LAMB4: variants seen among roughly 807,000 people sequenced by gnomAD.
The protein encoded by LAMB4 is laminin subunit beta 4.
In LAMB4, 196 loss-of-function variants were observed where a neutral mutation model predicts 199.2. That is an observed-to-expected ratio of 0.98 (90% confidence interval 0.88 to 1.11). LAMB4 has a LOEUF of 1.11. Ranked by LOEUF, LAMB4 falls within the 50% of genes least tolerant of loss-of-function variation. The pLI, the probability that LAMB4 is intolerant of heterozygous loss-of-function variation, is 0.00. For missense variants in LAMB4, 2,080 were observed against 2,171.2 expected, an observed-to-expected ratio of 0.96 and a Z score of 0.83; for synonymous variants, 744 against 770.6, an observed-to-expected ratio of 0.97 and a Z score of 0.57.
At chr7:108,122,052 G>A (rs1429716789) in intron 2 of LAMB4, among the ~76,000 whole-genome samples, 1 of 152,196 alleles carries the variant, frequency 6.6e-6, no homozygotes, top group African/African-American at 2.4e-5. Context: ...TGATTGCAGT[G>A]AGGTCTTTTC....
chr7:108,049,032 A>C (rs1050434405), intron 27 of LAMB4, among the ~76,000 whole-genome samples: 1 of 152,140 alleles, frequency 6.6e-6, no homozygotes, highest in Non-Finnish European at 1.5e-5. Context: ...TTTTTCTTGT[A>C]ATGAGGCAAG....
chr7:108,073,293 A>C (rs1414503016), intron 17 of LAMB4, among the ~76,000 whole-genome samples: 1 of 152,266 alleles, frequency 6.6e-6, no homozygotes, highest in African/African-American at 2.4e-5. Context: ...GGCGTAAGCC[A>C]CCGCGCCCGG....
chr7:108,094,214 G>C (rs67869926), intron 12 of LAMB4, among the ~76,000 whole-genome samples: 9,935 of 152,294 alleles, frequency 0.065, 511 homozygotes, highest in East Asian at 0.14. Flanking sequence ...GTCAGCCTGA[G>C]CCTAAGCTTT....
chr7:108,069,068 G>T (rs1281396083), intron 18 of LAMB4, among the ~76,000 whole-genome samples: 1 of 152,120 alleles, frequency 6.6e-6, no homozygotes, highest in Non-Finnish European at 1.5e-5. Context: ...CTGTCCTAAT[G>T]GAAAAAGCAT....
rs2036775965 is a variant in LAMB4, at chr7:108,078,145, T to C, written c.2003+56A>G. ...TTAGTTCCCAGAAACAAATTACTGATAAGTGAACAAAATTCTAAGAAGCTT... is the reference window on the plus strand; with the variant it reads ...TTAGTTCCCAGAAACAAATTACTGACAAGTGAACAAAATTCTAAGAAGCTT... On this transcript the variant is annotated intron_variant, in intron 16 of 33. Transcript: ENST00000388781. 7 of 1,160,588 alleles carry C rather than the reference T, an allele frequency of 6.0e-6. No homozygotes were observed. The South Asian group carries it at 9.2e-5, about 15-fold the overall frequency. 71.9% of individuals were successfully genotyped at this position (1,160,588 alleles called of 1,614,324 possible). A position where few individuals can be genotyped will look rare whatever the true frequency, so the allele number is the denominator to read the frequency against.
the LAMB4 span, among the ~76,000 whole-genome samples, chr7:108,018,442 G>T: frequency 2.0e-5 from 3 of 152,308 alleles, no homozygotes; most frequent in East Asian, 5.8e-4. Flanking sequence ...CACAGCTCCT[G>T]TTAAGAGGCC....
intron 33 of LAMB4, 48 bp downstream of exon 33, chr7:108,028,995 A>G (rs2034935199): frequency 1.3e-6 from 2 of 1,534,892 alleles, no homozygotes; most frequent in Non-Finnish European, 1.8e-6. Flanking sequence ...AAGGTAGAGT[A>G]CCATGATGTT....
In LAMB4 at chr7:108,055,845, T is replaced by C. The variant is rs756946592; in HGVS notation, c.3542A>G (p.Gln1181Arg). 6.2e-7 allele frequency: 1 copy of C among 1,614,170 alleles called. No individual in the cohort carries two copies. The highest frequency in any genetic ancestry group is 1.1e-5 in the South Asian group (1 of 91,078). ...TCLQCHLCFD[Q>R]WDHTISSLSK... ...GAGGGAAGAAATGGTGTGGTCCCAC[T>C]GATCAAAGCACAAGTGACATTGAAG... Residue 1181 changes from glutamine (Q) to arginine (R), a missense_variant, in exon 25 of 34, where the codon CAG becomes CGG. By Grantham distance (43) the Gln-to-Arg change is conservative. Transcript: ENST00000388781.
At position 108,030,858 on chromosome 7, in the gene LAMB4, T is replaced by C. The variant is rs1294724550; in HGVS notation, c.4940A>G (p.Asn1647Ser). ...KLQRHQDHAV[N>S]AKVQAESAQH... ...GGCAGATTCAGCCTGAACTTTCGCATTGACAGCGTGGTCTTGATGCCTTTG... is the reference window on the plus strand; with the variant it reads ...GGCAGATTCAGCCTGAACTTTCGCACTGACAGCGTGGTCTTGATGCCTTTG... The change falls in exon 32 of 34, where the codon AAT becomes AGT. Residue 1647 changes from asparagine to serine, a missense_variant. Physicochemically the swap from Asn to Ser is conservative, Grantham distance 46. Coordinates refer to ENST00000388781, the MANE Select transcript of LAMB4 (RefSeq NM_007356.3). 4 of 1,614,066 alleles carry C rather than the reference T, an allele frequency of 2.5e-6. No homozygotes were observed. The highest frequency in any genetic ancestry group is 1.7e-5 in the Admixed American group (1 of 60,010).
At chr7:108,124,497 C>T (rs1201212750) in intron 1 of LAMB4, among the ~76,000 whole-genome samples, 1 of 151,840 alleles carries the variant, frequency 6.6e-6, no homozygotes, top group East Asian at 1.9e-4. Flanking sequence ...TGCATATATA[C>T]AAATATACAT....
At chr7:108,044,985 GAAAA>G (rs1351671622) in intron 28 of LAMB4, among the ~76,000 whole-genome samples, 5 of 129,894 alleles carry the variant, frequency 3.8e-5, no homozygotes, top group African/African-American at 1.5e-4. Context: ...GAAAAGAAAA[GAAAA>G]AAAAGAAAAA....
rs546851844 is a variant in LAMB4, at chr7:108,103,066, G to A, written c.1158C>T (p.Ile386=). The A allele has an allele frequency of 1.9e-6, 3 of 1,604,354 alleles. No homozygotes were observed. Among genetic ancestry groups the A allele is most frequent in the Admixed American group, 3.3e-5 (2 of 59,736 alleles). Residue 386 remains isoleucine, a synonymous_variant, in exon 10 of 34, where the codon ATC becomes ATT. Transcript: ENST00000388781. Reference sequence around the variant, plus strand: ...CACGAATGCACGCGTAGGGATCTGAGATGGTCTTGAGCGGGTCCCTGTAGA... The same window carrying A: ...CACGAATGCACGCGTAGGGATCTGAAATGGTCTTGAGCGGGTCCCTGTAGA... ...PLFYRDPLKT[I]SDPYACIPCE...
rs138714933 is a variant in LAMB4 at position 108,041,676 on chromosome 7, T to C, written c.4471+2076A>G. On this transcript the variant is annotated intron_variant, in intron 29 of 33. Transcript: ENST00000388781. ...ACCAAATACCGCATGTTCTCACTTATAAATGGGAGCTAAATGATGAGAACA... is the reference window on the plus strand; with the variant it reads ...ACCAAATACCGCATGTTCTCACTTACAAATGGGAGCTAAATGATGAGAACA... Among the ~76,000 whole-genome samples the C allele has an allele frequency of 4.8e-3, 730 of 152,258 alleles. 5 individuals are homozygous for C. Among genetic ancestry groups the C allele is most frequent in the African/African-American group, 0.016 (676 of 41,536 alleles).
intron 2 of LAMB4, among the ~76,000 whole-genome samples, chr7:108,118,938 C>T (rs1007205388): frequency 1.3e-5 from 2 of 152,072 alleles, no homozygotes; most frequent in East Asian, 1.9e-4. Context: ...GCTTTCAAAA[C>T]TCAACATTAA....
At chr7:108,079,458 C>G in intron 15 of LAMB4, 143 bp downstream of exon 15, 3 of 656,524 alleles carry the variant, frequency 4.6e-6, no homozygotes, top group Non-Finnish European at 7.3e-6. Flanking sequence ...TTTAGGAAAC[C>G]CTTGGTTTAT....
At chr7:108,068,316 G>A (rs747881146) in intron 18 of LAMB4, among the ~76,000 whole-genome samples, 157 bp from the exon 19 acceptor site, 4 of 152,168 alleles carry the variant, frequency 2.6e-5, no homozygotes, top group Non-Finnish European at 5.9e-5. Flanking sequence ...TCTGCCTTGT[G>A]GGATTGTTGT....
rs757150390 is a variant in LAMB4 at position 108,065,907 on chromosome 7, A to G, written c.2691T>C (p.Gly897=). 12 of 1,613,574 alleles carry G rather than the reference A, an allele frequency of 7.4e-6. No individual in the cohort carries two copies. The highest frequency in any genetic ancestry group is 9.3e-6 in the Non-Finnish European group (11 of 1,179,834). ...TGRNCERCID[G]YYGNPSSGQP... is the part of the protein sequence containing the mutation. ...GTCCTGAAGAAGGATTTCCATAGTA[A>G]CCATCAATACACCTGTCAAGACAAT... The change falls in exon 21 of 34, where the codon GGT becomes GGC. Residue 897 remains glycine, a synonymous_variant. Transcript: ENST00000388781.
chr7:108,070,031 A>G lies in LAMB4; in HGVS notation c.2125-146T>C. 2 of 451,970 alleles carry G rather than the reference A, an allele frequency of 4.4e-6. 1 individual carries two copies. Among genetic ancestry groups the G allele is most frequent in the South Asian group, 2.0e-4 (2 of 10,130 alleles). The allele number at this position is 451,970 out of a possible 1,614,324, so 28.0% of individuals were successfully genotyped here. A position where few individuals can be genotyped will look rare whatever the true frequency, so the allele number is the denominator to read the frequency against. On this transcript the variant is annotated intron_variant, in intron 17 of 33. Coordinates refer to ENST00000388781, the MANE Select transcript of LAMB4 (RefSeq NM_007356.3). ...TAAACTGGTTAAGACTGAAGACTTT[A>G]AAGATTTTCAATTTATTTAAGAAAT...
intron 3 of LAMB4, 43 bp downstream of exon 3, chr7:108,115,961 T>C (rs370569816): frequency 1.9e-6 from 3 of 1,587,952 alleles, no homozygotes; most frequent in African/African-American, 2.7e-5. Flanking sequence ...TCTACATCAT[T>C]GATTAAATAA....
Sources: gnomAD v4.1 joint callset for allele counts (sites outside exome capture counted in the v4.1 genomes callset) on GRCh38, gnomAD v4.1.1 for gene constraint, MANE v1.5 for transcripts, NCBI Gene and HGNC (gene_info 2026-07-23, HGNC 2026-07-21) for gene names.